CCDC170: variants seen among roughly 807,000 people sequenced by gnomAD.
CCDC170 encodes coiled-coil domain containing 170, also known as coiled-coil domain-containing protein 170.
Under a neutral mutation model 72.6 loss-of-function variants are expected in CCDC170, and 69 were observed. The ratio of observed to expected loss-of-function variants is 0.95; its 90% confidence interval spans 0.78 to 1.16. The LOEUF (loss-of-function observed/expected upper bound fraction) is 1.16. Among genes scored for constraint, CCDC170 ranks in the 50% most tolerant of loss-of-function variants. The pLI, the probability that CCDC170 is intolerant of heterozygous loss-of-function variation, is 0.00. For synonymous variants in CCDC170, 300 were observed against 303.9 expected (o/e 0.99, Z 0.13); for missense variants, 852 against 832.5 (o/e 1.02, Z -0.29).
intron 5 of CCDC170, among the ~76,000 whole-genome samples, chr6:151,552,253 T>TA (rs975902460): frequency 1.2e-4 from 18 of 152,212 alleles, no homozygotes; most frequent in Admixed American, 1.0e-3. Flanking sequence ...CAAATAATGT[T>TA]AGAGTGTTCC....
intron 9 of CCDC170, among the ~76,000 whole-genome samples, chr6:151,614,806 G>A (rs145108602): frequency 1.2e-3 from 181 of 152,004 alleles, no homozygotes; most frequent in African/African-American, 4.1e-3. Context: ...AAGCTAATAC[G>A]GAGAATGTGC....
At chr6:151,615,102 A>G (rs1418618691) in intron 9 of CCDC170, among the ~76,000 whole-genome samples, 1 of 152,214 alleles carries the variant, frequency 6.6e-6, no homozygotes, top group African/African-American at 2.4e-5. Flanking sequence ...GTCAGGGCAG[A>G]AAGTTGAAGG....
chr6:151,554,882 T>G lies in CCDC170; in HGVS notation c.774+6393T>G, dbSNP rs868788928. ...TCTTTTTGGACCTCAGTTTTTTTTT[T>G]TTTTTTTTTTTTGTGAGACAGAGTC... On this transcript the variant is annotated intron_variant, in intron 5 of 10. Coordinates refer to ENST00000239374, the MANE Select transcript of CCDC170 (RefSeq NM_025059.4). Among the ~76,000 whole-genome samples the G allele has an allele frequency of 5.0e-3, 694 of 140,096 alleles. 6 individuals carry two copies. The highest frequency in any genetic ancestry group is 0.018 in the African/African-American group (657 of 35,960). The allele number at this position is 140,096 out of a possible 152,430, so 91.9% of individuals were successfully genotyped here. A position where few individuals can be genotyped will look rare whatever the true frequency, so the allele number is the denominator to read the frequency against.
At chr6:151,607,653 T>C (rs1199665523) in intron 9 of CCDC170, among the ~76,000 whole-genome samples, 1 of 152,086 alleles carries the variant, frequency 6.6e-6, no homozygotes, top group Admixed American at 6.6e-5. Flanking sequence ...CTTTTAGCAC[T>C]TTGAATCCCA....
chr6:151,597,026 A>G (rs999569025), intron 9 of CCDC170, among the ~76,000 whole-genome samples: 1 of 152,156 alleles, frequency 6.6e-6, no homozygotes, highest in Admixed American at 6.5e-5. Flanking sequence ...GGGTTTCTCC[A>G]TGTTGGTCAG....
chr6:151,541,882 ATATATT>A (rs1192624388), intron 3 of CCDC170, among the ~76,000 whole-genome samples: 6 of 58,532 alleles, frequency 1.0e-4, no homozygotes, highest in East Asian at 9.6e-4. Context: ...ATATATATAT[ATATATT>A]TTTTTTTTTA....
intron 1 of CCDC170, among the ~76,000 whole-genome samples, chr6:151,509,949 T>G (rs1455620913): frequency 6.6e-6 from 1 of 152,012 alleles, no homozygotes; most frequent in East Asian, 1.9e-4. Context: ...ATAGTGAAAC[T>G]CCGTCTCCAC....
rs371075850 is a variant in CCDC170 at position 151,616,981 on chromosome 6, A to G, written c.1948-966A>G. On this transcript the variant is annotated intron_variant, in intron 10 of 10. Transcript: ENST00000239374. Reference sequence around the variant, plus strand: ...CATAAGAATTTTGAGGGGTCATAAAATTCAAACTGTAATAGCTAAAAACCA... The same window carrying G: ...CATAAGAATTTTGAGGGGTCATAAAGTTCAAACTGTAATAGCTAAAAACCA... Among the ~76,000 whole-genome samples the G allele has an allele frequency of 3.3e-5, 5 of 152,356 alleles. No homozygotes were observed. In the East Asian group the frequency reaches 9.6e-4, roughly 29 times the overall value.
At chr6:151,615,130 C>T (rs1215242083) in intron 9 of CCDC170, among the ~76,000 whole-genome samples, 2 of 152,122 alleles carry the variant, frequency 1.3e-5, no homozygotes, top group African/African-American at 4.8e-5. Context: ...GCTTATGGAC[C>T]TCATAGAGTG....
intron 5 of CCDC170, among the ~76,000 whole-genome samples, chr6:151,562,446 G>T (rs116419375): frequency 5.3e-5 from 8 of 152,032 alleles, no homozygotes; most frequent in Non-Finnish European, 1.0e-4. Flanking sequence ...TGATCGTTTG[G>T]CTTCATTTTG....
chr6:151,547,134 C>T (rs1382138810), intron 4 of CCDC170, among the ~76,000 whole-genome samples: 3 of 152,140 alleles, frequency 2.0e-5, no homozygotes, highest in East Asian at 1.9e-4. Flanking sequence ...CTCATAAACA[C>T]GTGTGCACAC....
intron 1 of CCDC170, among the ~76,000 whole-genome samples, chr6:151,502,264 T>C (rs1400415528): frequency 6.6e-6 from 1 of 152,168 alleles, no homozygotes; most frequent in East Asian, 1.9e-4. Flanking sequence ...AGAGCAAGAC[T>C]TTGACTCTAA....
chr6:151,501,544 C>T (rs557338012), intron 1 of CCDC170, among the ~76,000 whole-genome samples: 18 of 152,200 alleles, frequency 1.2e-4, no homozygotes, highest in Middle Eastern at 3.4e-3. Context: ...CCAGTTAATC[C>T]GTTTACACAT....
intron 2 of CCDC170, among the ~76,000 whole-genome samples, chr6:151,537,748 G>T (rs1467328420): frequency 6.6e-6 from 1 of 152,060 alleles, no homozygotes; most frequent in African/African-American, 2.4e-5. Context: ...TAGAAAATGT[G>T]GACCATTGCA....
intron 6 of CCDC170, among the ~76,000 whole-genome samples, chr6:151,575,877 T>C (rs898092090): frequency 1.3e-5 from 2 of 152,152 alleles, no homozygotes; most frequent in African/African-American, 4.8e-5. Context: ...GGAGTGCTCA[T>C]TGGCTGTCCT....
chr6:151,590,487 T>C (rs764663949), intron 7 of CCDC170, among the ~76,000 whole-genome samples: 3 of 152,216 alleles, frequency 2.0e-5, no homozygotes, highest in Non-Finnish European at 4.4e-5. Flanking sequence ...TAACTGCATA[T>C]GAAATGCACG....
chr6:151,543,282 T>C (rs1782719252), intron 3 of CCDC170, among the ~76,000 whole-genome samples: 1 of 152,186 alleles, frequency 6.6e-6, no homozygotes. Context: ...ACTGGCCAAT[T>C]CTAGTACTTT....
At chr6:151,591,448 T>C in intron 7 of CCDC170, among the ~76,000 whole-genome samples, 1 of 133,102 alleles carries the variant, frequency 7.5e-6, no homozygotes, top group Admixed American at 7.5e-5. Context: ...ACTTCCTTTA[T>C]ACAGCGCTGT....
At chr6:151,561,002 T>G (rs1242980706) in intron 5 of CCDC170, among the ~76,000 whole-genome samples, 1 of 152,138 alleles carries the variant, frequency 6.6e-6, no homozygotes. Context: ...GTCATAGTGT[T>G]GTTAACTAGT....
Sources: gnomAD v4.1 joint callset for allele counts (sites outside exome capture counted in the v4.1 genomes callset) on GRCh38, gnomAD v4.1.1 for gene constraint, MANE v1.5 for transcripts, NCBI Gene and HGNC (gene_info 2026-07-23, HGNC 2026-07-21) for gene names.